CUEDC1: variants seen among roughly 807,000 people sequenced by gnomAD.
CUEDC1 encodes CUE domain-containing protein 1.
In CUEDC1, 30 loss-of-function variants were observed where a neutral mutation model predicts 43.7. The observed-to-expected ratio is 0.69, with a 90% CI of 0.51 to 0.93. The LOEUF (loss-of-function observed/expected upper bound fraction) is 0.93, where lower values mean the gene tolerates loss of function less well. CUEDC1 is among the 40% of genes least tolerant of loss of function. The pLI is 0.00. For synonymous variants in CUEDC1, 223 were observed against 223.6 expected (o/e 1.00, Z 0.02); for missense variants, 486 against 549.0 (o/e 0.89, Z 1.15).
rs907082541 is a variant in CUEDC1, at chr17:57,954,594, C to T, written c.-316+631G>A. ...AGCCGGCGGGGCGGGCGAGCAGGGG[C>T]GGGGACAGCGCATTCCCAACTTTCC... On this transcript the variant is annotated intron_variant, in intron 1 of 10. Coordinates refer to ENST00000577830, the MANE Select transcript of CUEDC1 (RefSeq NM_001271875.2). The surrounding 1 kb of genome is among the most constrained non-coding windows in gnomAD (Gnocchi z 4.3). 6.6e-6 allele frequency among the ~76,000 whole-genome samples: 1 copy of T among 151,934 alleles called. No individual in the cohort carries two copies. Among genetic ancestry groups the T allele is most frequent in the Non-Finnish European group, 1.5e-5 (1 of 67,970 alleles).
chr17:57,895,303 C>A (rs1489652716), intron 1 of CUEDC1, among the ~76,000 whole-genome samples: 3 of 152,200 alleles, frequency 2.0e-5, no homozygotes, highest in Non-Finnish European at 2.9e-5. Context: ...GGCTTGATCA[C>A]CATTCCATAT....
At chr17:57,887,150 C>T (rs1390982099) in intron 1 of CUEDC1, among the ~76,000 whole-genome samples, 1 of 152,102 alleles carries the variant, frequency 6.6e-6, no homozygotes, top group African/African-American at 2.4e-5. Flanking sequence ...CCACCAAGCC[C>T]AGTTCTCCTG....
chr17:57,938,788 G>A (rs1334811835), intron 1 of CUEDC1, among the ~76,000 whole-genome samples: 1 of 151,696 alleles, frequency 6.6e-6, no homozygotes, highest in Non-Finnish European at 1.5e-5. Context: ...TCAGCCTCCT[G>A]AGTAGCTGGG....
chr17:57,867,426 A>G lies in CUEDC1; in HGVS notation c.1035-11T>C. The G allele has an allele frequency of 6.4e-7, 1 of 1,552,150 alleles. No homozygotes were observed. Among genetic ancestry groups the G allele is most frequent in the South Asian group, 1.2e-5 (1 of 84,110 alleles). ...GCGGCAGCCCCCAGCCTGCCAGGCCATTCAGGAAAACCGTCCCAGGGATGA... is the reference window on the plus strand; with the variant it reads ...GCGGCAGCCCCCAGCCTGCCAGGCCGTTCAGGAAAACCGTCCCAGGGATGA... On this transcript the variant is annotated splice_polypyrimidine_tract_variant and intron_variant, in intron 8 of 10. Transcript: ENST00000577830.
chr17:57,921,794 CCT>C (rs1299524709), intron 1 of CUEDC1, among the ~76,000 whole-genome samples: 1 of 152,166 alleles, frequency 6.6e-6, no homozygotes, highest in Non-Finnish European at 1.5e-5. Context: ...CTCACCACTG[CCT>C]CTGTTTTCCA....
At chr17:57,873,937 GT>G (rs2074073602) in intron 3 of CUEDC1, among the ~76,000 whole-genome samples, 1 of 152,188 alleles carries the variant, frequency 6.6e-6, no homozygotes, top group Non-Finnish European at 1.5e-5. Flanking sequence ...CAGTCACTCA[GT>G]GCCCTTCCAG....
At chr17:57,932,069 C>T (rs970907919) in intron 1 of CUEDC1, among the ~76,000 whole-genome samples, 5 of 150,990 alleles carry the variant, frequency 3.3e-5, no homozygotes, top group Admixed American at 6.6e-5. Context: ...GTTAGGAGTT[C>T]GAAACCAGCC....
At chr17:57,925,860 C>A (rs963298844) in intron 1 of CUEDC1, among the ~76,000 whole-genome samples, 1 of 152,214 alleles carries the variant, frequency 6.6e-6, no homozygotes. Flanking sequence ...CCTGGTACTG[C>A]CAGCAAAGAT....
At chr17:57,877,092 C>G (rs1166288162) in intron 3 of CUEDC1, among the ~76,000 whole-genome samples, 1 of 152,176 alleles carries the variant, frequency 6.6e-6, no homozygotes, top group African/African-American at 2.4e-5. Context: ...AAGTCAAGTT[C>G]TCCTCAGGGC....
At chr17:57,884,192 CTTTTTTTTTT>C (rs780667346) in intron 2 of CUEDC1, among the ~76,000 whole-genome samples, 4 of 81,358 alleles carry the variant, frequency 4.9e-5, no homozygotes, top group Non-Finnish European at 9.2e-5. Flanking sequence ...TTTTTCTTTT[CTTTTTTTTTT>C]TTTTTTTTTT....
At chr17:57,872,074 C>T (rs187886424) in intron 5 of CUEDC1, among the ~76,000 whole-genome samples, 9 of 152,356 alleles carry the variant, frequency 5.9e-5, no homozygotes, top group East Asian at 1.9e-4. Context: ...CAAGCTCTCA[C>T]GCTGTGGCCG....
At chr17:57,881,078 T>C (rs1017768815) in intron 2 of CUEDC1, among the ~76,000 whole-genome samples, 3 of 152,216 alleles carry the variant, frequency 2.0e-5, no homozygotes, top group African/African-American at 4.8e-5. Flanking sequence ...CAGGCCTCAC[T>C]GGTACATCTC....
intron 10 of CUEDC1, among the ~76,000 whole-genome samples, chr17:57,865,082 G>A (rs2073937593): frequency 6.6e-6 from 1 of 152,114 alleles, no homozygotes; most frequent in African/African-American, 2.4e-5. Context: ...ATGAATGAAT[G>A]AATGAATGAT....
At chr17:57,903,750 G>A (rs1474070503) in intron 1 of CUEDC1, among the ~76,000 whole-genome samples, 2 of 152,022 alleles carry the variant, frequency 1.3e-5, no homozygotes, top group Non-Finnish European at 2.9e-5. Context: ...ACCAGCTTGA[G>A]CAACATAGAG....
chr17:57,874,964 A>G (rs1363621356), intron 3 of CUEDC1, among the ~76,000 whole-genome samples: 1 of 152,170 alleles, frequency 6.6e-6, no homozygotes, highest in Non-Finnish European at 1.5e-5. Flanking sequence ...AGGGAACCCC[A>G]GCACGCCTCG....
At chr17:57,894,378 A>G (rs961599490) in intron 1 of CUEDC1, among the ~76,000 whole-genome samples, 1 of 152,176 alleles carries the variant, frequency 6.6e-6, no homozygotes, top group Admixed American at 6.5e-5. Context: ...ATCTTTAAAA[A>G]TCAGAAGAAA....
chr17:57,899,784 C>T (rs373372608), intron 1 of CUEDC1, among the ~76,000 whole-genome samples: 2 of 152,322 alleles, frequency 1.3e-5, no homozygotes, highest in East Asian at 1.9e-4. Context: ...CTCCCCTCTT[C>T]GCCCAACTCT....
At chr17:57,943,720 C>CA (rs980540018) in intron 1 of CUEDC1, among the ~76,000 whole-genome samples, 1 of 151,782 alleles carries the variant, frequency 6.6e-6, no homozygotes, top group Non-Finnish European at 1.5e-5. Flanking sequence ...AAATCCACCC[C>CA]AAAAAAAATC....
At chr17:57,897,654 G>GAAAAAAAAAA (rs58748550) in intron 1 of CUEDC1, among the ~76,000 whole-genome samples, 1 of 109,536 alleles carries the variant, frequency 9.1e-6, no homozygotes, top group African/African-American at 3.0e-5. Context: ...TGGTCTCAAT[G>GAAAAAAAAAA]AAAAAAAAAA....
Sources: gnomAD v4.1 joint callset for allele counts (sites outside exome capture counted in the v4.1 genomes callset) on GRCh38, gnomAD v4.1.1 for gene constraint, Gnocchi (gnomAD v3.1) non-coding constraint, MANE v1.5 for transcripts, NCBI Gene and HGNC (gene_info 2026-07-23, HGNC 2026-07-21) for gene names.